The following CDKAL1 variants were observed in gnomAD, a reference collection of about 807,000 sequenced individuals.
The protein encoded by CDKAL1 is threonylcarbamoyladenosine tRNA methylthiotransferase.
A neutral mutation model predicts 68.2 loss-of-function variants in CDKAL1; 32 were observed. The observed-to-expected ratio is 0.47, with a 90% CI of 0.35 to 0.63. The LOEUF (loss-of-function observed/expected upper bound fraction) is 0.63, where lower values mean the gene tolerates loss of function less well. Ranked by LOEUF, CDKAL1 falls within the 30% of genes least tolerant of loss-of-function variation. The pLI is 0.00. For synonymous variants in CDKAL1, 234 were observed against 244.3 expected (o/e 0.96, Z 0.39); for missense variants, 606 against 696.7 (o/e 0.87, Z 1.47).
At chr6:20,640,098 T>C (rs1768101173) in intron 4 of CDKAL1, among the ~76,000 whole-genome samples, 1 of 152,250 alleles carries the variant, frequency 6.6e-6, no homozygotes, top group Non-Finnish European at 1.5e-5. Context: ...AAATAAACCC[T>C]CTGGGTATGG....
chr6:20,922,874 G>A (rs533842977), intron 9 of CDKAL1, among the ~76,000 whole-genome samples: 1 of 152,274 alleles, frequency 6.6e-6, no homozygotes, highest in East Asian at 1.9e-4. Flanking sequence ...TATATCCTTT[G>A]AGATGATCTA....
rs545162371 is a variant in CDKAL1 at position 20,714,378 on chromosome 6, C to CTTTTTTTTTTTTTT, written c.372-25126_372-25113dup. On this transcript the variant is annotated intron_variant, in intron 5 of 15. Coordinates refer to ENST00000274695, the MANE Select transcript of CDKAL1 (RefSeq NM_017774.3). Reference sequence around the variant, plus strand: ...AATATTAATGATACTATTGTCTGTTCTTTTTTTTTTTTTTTTTTTTTTTTT... The same window carrying CTTTTTTTTTTTTTT: ...AATATTAATGATACTATTGTCTGTTCTTTTTTTTTTTTTTTTTTTTTTTTTTTTTTTTTTTTTTT... Among the ~76,000 whole-genome samples the CTTTTTTTTTTTTTT allele has an allele frequency of 5.5e-5, 4 of 72,740 alleles. 1 individual carries two copies. The highest frequency in any genetic ancestry group is 9.7e-5 in the African/African-American group (2 of 20,630). The allele number at this position is 72,740 out of a possible 152,430, so 47.7% of individuals were successfully genotyped here.
chr6:20,645,893 A>G (rs1203324891), intron 4 of CDKAL1, among the ~76,000 whole-genome samples: 2 of 151,850 alleles, frequency 1.3e-5, no homozygotes, highest in South Asian at 2.1e-4. Context: ...AGGATCATCA[A>G]TATTACTGTC....
At chr6:20,570,439 C>T (rs1429210506) in intron 4 of CDKAL1, among the ~76,000 whole-genome samples, 7 of 150,192 alleles carry the variant, frequency 4.7e-5, no homozygotes, top group Non-Finnish European at 7.4e-5. Context: ...CTCACTCTGT[C>T]GCCTAGGCTG....
intron 13 of CDKAL1, among the ~76,000 whole-genome samples, chr6:21,130,625 G>A (rs1191882331): frequency 6.6e-6 from 1 of 152,212 alleles, no homozygotes; most frequent in Non-Finnish European, 1.5e-5. Flanking sequence ...GGCAGGGGAA[G>A]TTATAGTGGT....
intron 6 of CDKAL1, among the ~76,000 whole-genome samples, chr6:20,741,775 A>T (rs2150327322): frequency 6.6e-6 from 1 of 152,212 alleles, no homozygotes; most frequent in South Asian, 2.1e-4. Flanking sequence ...GAACATTCAC[A>T]TGCATGTGTT....
At chr6:20,860,810 G>A (rs140213044) in intron 9 of CDKAL1, among the ~76,000 whole-genome samples, 121 of 150,782 alleles carry the variant, frequency 8.0e-4, no homozygotes, top group African/African-American at 2.9e-3. Context: ...GCAACAGAGC[G>A]AGACTCCATC....
At chr6:20,905,948 C>T (rs1453975979) in intron 9 of CDKAL1, among the ~76,000 whole-genome samples, 1 of 152,118 alleles carries the variant, frequency 6.6e-6, no homozygotes, top group Non-Finnish European at 1.5e-5. Flanking sequence ...TAAGAAATAC[C>T]AAAGAGAGTC....
intron 13 of CDKAL1, among the ~76,000 whole-genome samples, chr6:21,169,008 C>G (rs1777264987): frequency 6.6e-6 from 1 of 152,072 alleles, no homozygotes; most frequent in African/African-American, 2.4e-5. Context: ...CCAGATTAGT[C>G]AAGACTTGTG....
chr6:21,054,700 C>T lies in CDKAL1; in HGVS notation c.1056-10348C>T, dbSNP rs1033061452. 4.6e-5 allele frequency among the ~76,000 whole-genome samples: 7 copies of T among 152,080 alleles called. No individual in the cohort carries two copies. The South Asian group carries it at 6.2e-4, about 13-fold the overall frequency. On this transcript the variant is annotated intron_variant, in intron 11 of 15. Coordinates refer to ENST00000274695, the MANE Select transcript of CDKAL1 (RefSeq NM_017774.3). Reference sequence around the variant, plus strand: ...ACAACTTCTACCTTTCTTTCTCAAACGTATTCCCAAGTAGTTTTTATGCTA... The same window carrying T: ...ACAACTTCTACCTTTCTTTCTCAAATGTATTCCCAAGTAGTTTTTATGCTA...
At chr6:20,935,689 C>A (rs561607317) in intron 9 of CDKAL1, among the ~76,000 whole-genome samples, 6 of 152,174 alleles carry the variant, frequency 3.9e-5, no homozygotes, top group Non-Finnish European at 8.8e-5. Context: ...CTCGGCCTCC[C>A]AAAGTGTTGG....
chr6:20,724,221 A>G (rs114765246), intron 5 of CDKAL1, among the ~76,000 whole-genome samples: 2,735 of 152,164 alleles, frequency 0.018, 37 homozygotes, highest in Non-Finnish European at 0.028. Flanking sequence ...TACAGGCATG[A>G]ACCACCACCT....
At chr6:21,181,317 C>T (rs1374338633) in intron 13 of CDKAL1, among the ~76,000 whole-genome samples, 1 of 152,134 alleles carries the variant, frequency 6.6e-6, no homozygotes, top group African/African-American at 2.4e-5. Flanking sequence ...AAATTTGATT[C>T]CCAATGTGGT....
intron 15 of CDKAL1, among the ~76,000 whole-genome samples, chr6:21,203,792 G>A (rs1324833193): frequency 6.8e-6 from 1 of 147,536 alleles, no homozygotes; most frequent in Non-Finnish European, 1.5e-5. Context: ...CACCTTCCAG[G>A]TTCAAGCGAT....
At chr6:20,648,484 C>T (rs1768593307) in intron 4 of CDKAL1, among the ~76,000 whole-genome samples, 2 of 152,100 alleles carry the variant, frequency 1.3e-5, no homozygotes, top group South Asian at 4.1e-4. Flanking sequence ...TACCAGTCCT[C>T]CCACCTAGTG....
chr6:20,952,185 C>T (rs553872552), intron 9 of CDKAL1, among the ~76,000 whole-genome samples: 5 of 152,212 alleles, frequency 3.3e-5, no homozygotes, highest in Non-Finnish European at 7.4e-5. Flanking sequence ...GTCTCGATCT[C>T]CTGACCTCGT....
chr6:20,922,916 A>G (rs1037523203), intron 9 of CDKAL1, among the ~76,000 whole-genome samples: 7 of 152,246 alleles, frequency 4.6e-5, no homozygotes, highest in African/African-American at 1.7e-4. Flanking sequence ...AGTTATGTTT[A>G]AGGCATAGGT....
intron 15 of CDKAL1, among the ~76,000 whole-genome samples, chr6:21,221,981 A>T (rs1199873761): frequency 6.6e-6 from 1 of 152,214 alleles, no homozygotes; most frequent in African/African-American, 2.4e-5. Context: ...ATTCTGAAAG[A>T]GAGGGATCAC....
intron 13 of CDKAL1, among the ~76,000 whole-genome samples, chr6:21,138,868 C>G (rs915978077): frequency 1.4e-4 from 22 of 152,294 alleles, no homozygotes; most frequent in African/African-American, 5.3e-4. Flanking sequence ...ACTGTAAAGT[C>G]CAGTTTGTCT....
Sources: gnomAD v4.1 joint callset for allele counts (sites outside exome capture counted in the v4.1 genomes callset) on GRCh38, gnomAD v4.1.1 for gene constraint, MANE v1.5 for transcripts, NCBI Gene and HGNC (gene_info 2026-07-23, HGNC 2026-07-21) for gene names.